Variants in MANBA observed in about 807,000 individuals in gnomAD.
MANBA encodes beta-mannosidase.
Under a neutral mutation model 111.1 loss-of-function variants are expected in MANBA, and 83 were observed. That is an observed-to-expected ratio of 0.75 (90% confidence interval 0.63 to 0.90). The LOEUF (loss-of-function observed/expected upper bound fraction) is 0.90. Among genes scored for constraint, MANBA ranks in the 40% least tolerant of loss-of-function variants. MANBA has a pLI of 0.00. For synonymous variants in MANBA, 370 were observed against 378.7 expected (o/e 0.98, Z 0.27); for missense variants, 1,036 against 1,069.0 (o/e 0.97, Z 0.43).
intron 12 of MANBA, among the ~76,000 whole-genome samples, chr4:102,657,168 A>G (rs751908411): frequency 1.3e-4 from 19 of 142,242 alleles, no homozygotes; most frequent in Non-Finnish European, 2.7e-4. Flanking sequence ...GAAAATCCAT[A>G]CAGAAAATAA....
chr4:102,741,705 T>C (rs1442006114), intron 1 of MANBA, among the ~76,000 whole-genome samples: 2 of 152,208 alleles, frequency 1.3e-5, no homozygotes, highest in Non-Finnish European at 2.9e-5. Context: ...TTCTCACTTA[T>C]AAGTGGGACC....
At chr4:102,755,763 C>T (rs1345213041) in intron 1 of MANBA, among the ~76,000 whole-genome samples, 1 of 152,036 alleles carries the variant, frequency 6.6e-6, no homozygotes, top group Non-Finnish European at 1.5e-5. Context: ...CAAAGAACTT[C>T]AACAAATTTA....
At chr4:102,641,293 A>T (rs969669262) in intron 13 of MANBA, among the ~76,000 whole-genome samples, 1 of 152,224 alleles carries the variant, frequency 6.6e-6, no homozygotes, top group Admixed American at 6.5e-5. Context: ...GCAATGGAAG[A>T]GAAGCTGGTG....
intron 10 of MANBA, chr4:102,667,746 A>C (rs1731291674): frequency 6.6e-6 from 1 of 152,244 alleles, no homozygotes; most frequent in African/African-American, 2.4e-5. Flanking sequence ...TATCAACATT[A>C]CAAAAAATCT....
chr4:102,635,946 C>CAGTAGGAGCA lies in MANBA; in HGVS notation c.2075_2076insTGCTCCTACT (p.Leu692PhefsTer9). 1 of 1,612,628 alleles carries CAGTAGGAGCA rather than the reference C, an allele frequency of 6.2e-7. No homozygotes were observed. Among genetic ancestry groups the CAGTAGGAGCA allele is most frequent in the Non-Finnish European group, 8.5e-7 (1 of 1,178,632 alleles). On this transcript the variant is annotated frameshift_variant, in exon 15 of 17. Transcript: ENST00000647097. LOFTEE classifies it high-confidence loss of function. Reference sequence around the variant, plus strand: ...TGTTTTCATTCTCAAAGCCTACTGGCAACAGTGGAGCAAAGAAATTCTGAG... The same window carrying CAGTAGGAGCA: ...TGTTTTCATTCTCAAAGCCTACTGGCAGTAGGAGCAAACAGTGGAGCAAAGAAATTCTGAG...
At chr4:102,745,312 G>A (rs1016416376) in intron 1 of MANBA, among the ~76,000 whole-genome samples, 1 of 152,180 alleles carries the variant, frequency 6.6e-6, no homozygotes, top group Non-Finnish European at 1.5e-5. Context: ...CTTTTCAAGG[G>A]GACCCAGCCT....
At chr4:102,688,736 A>G (rs1185706037) in intron 7 of MANBA, among the ~76,000 whole-genome samples, 1 of 152,228 alleles carries the variant, frequency 6.6e-6, no homozygotes, top group Non-Finnish European at 1.5e-5. Context: ...AATAAATAAC[A>G]AAGTGCAGTT....
At chr4:102,703,454 G>C (rs1022920184) in intron 5 of MANBA, among the ~76,000 whole-genome samples, 1 of 152,154 alleles carries the variant, frequency 6.6e-6, no homozygotes, top group African/African-American at 2.4e-5. Flanking sequence ...CTTGCCTGGG[G>C]ACGAGTCTGC....
At chr4:102,705,923 C>T (rs753438124) in intron 5 of MANBA, among the ~76,000 whole-genome samples, 1 of 152,226 alleles carries the variant, frequency 6.6e-6, no homozygotes, top group Non-Finnish European at 1.5e-5. Context: ...CATCTGCCTG[C>T]ATGTGCCACC....
At position 102,716,398 on chromosome 4, in the gene MANBA, C is replaced by T. The variant is rs369495657; in HGVS notation, c.550-1837G>A. On this transcript the variant is annotated intron_variant, in intron 4 of 16. Coordinates refer to ENST00000647097, the MANE Select transcript of MANBA (RefSeq NM_005908.4). The stretch of plus-strand genomic sequence containing the variant: ...TAGGTTTTAAAAAGCTCTGGCTAAA[C>T]TTGCCAACCTCAGGTATGAATTCAG... 4.1e-5 allele frequency among the ~76,000 whole-genome samples: 6 copies of T among 144,904 alleles called. No individual in the cohort carries two copies. The East Asian group carries it at 1.3e-3, about 32-fold the overall frequency.
intron 7 of MANBA, among the ~76,000 whole-genome samples, chr4:102,689,359 A>AAAAAATAT (rs1553948208): frequency 4.0e-5 from 4 of 100,410 alleles, no homozygotes; most frequent in African/African-American, 1.4e-4. Context: ...AAAAAAAAAA[A>AAAAAATAT]ATATATATAT....
rs1220235248 is a variant in MANBA, at chr4:102,690,473, A to T, written c.849+123T>A. On this transcript the variant is annotated intron_variant, in intron 6 of 16. Transcript: ENST00000647097. The stretch of plus-strand genomic sequence containing the variant: ...ATATGAGAGACTAAAATAGAGAAGA[A>T]AATGACAAATATAAGCAGAGAAAGT... The T allele has an allele frequency of 4.3e-6, 4 of 921,088 alleles. No homozygotes were observed. The Admixed American group carries it at 5.7e-5, about 13-fold the overall frequency. The allele number at this position is 921,088 out of a possible 1,614,324, so 57.1% of individuals were successfully genotyped here.
rs148150924 is a variant in MANBA at position 102,638,705 on chromosome 4, C to T, written c.2014+1008G>A. The stretch of plus-strand genomic sequence containing the variant: ...AAGGATTTTCCCCCCAATTCTACCC[C>T]TGATTCTCATTCAATGCTCTCTTAT... On this transcript the variant is annotated intron_variant, in intron 14 of 16. Transcript: ENST00000647097. Among the ~76,000 whole-genome samples, 334 of 152,290 alleles carry T rather than the reference C, an allele frequency of 2.2e-3. 13 individuals carry two copies. The East Asian group carries it at 0.041, about 19-fold the overall frequency.
chr4:102,696,990 A>T (rs1311402944), intron 5 of MANBA, among the ~76,000 whole-genome samples: 2 of 152,186 alleles, frequency 1.3e-5, no homozygotes, highest in African/African-American at 4.8e-5. Context: ...TAGTTAAAAC[A>T]GCTGTTTTCC....
chr4:102,737,312 T>C (rs1723250641), intron 1 of MANBA, among the ~76,000 whole-genome samples: 1 of 152,116 alleles, frequency 6.6e-6, no homozygotes, highest in African/African-American at 2.4e-5. Flanking sequence ...GAGAGCCATG[T>C]TTGCTTTCTC....
intron 7 of MANBA, among the ~76,000 whole-genome samples, chr4:102,684,805 C>T (rs944288038): frequency 1.3e-5 from 2 of 152,052 alleles, no homozygotes; most frequent in Admixed American, 6.6e-5. Context: ...CTCAACAAAG[C>T]GATGATTCAT....
At chr4:102,661,236 T>G (rs1484230745) in intron 11 of MANBA, among the ~76,000 whole-genome samples, 1 of 152,252 alleles carries the variant, frequency 6.6e-6, no homozygotes, top group African/African-American at 2.4e-5. Flanking sequence ...AACCTTTTAC[T>G]CGAAAGCCTT....
chr4:102,633,664 T>C (rs5026475), intron 16 of MANBA, among the ~76,000 whole-genome samples: 93,333 of 151,830 alleles, frequency 0.61, 29,275 homozygotes, highest in African/African-American at 0.73. Flanking sequence ...CCTGCTTTTC[T>C]CCCACCCCAA....
At chr4:102,754,910 T>C (rs111530952) in intron 1 of MANBA, among the ~76,000 whole-genome samples, 10 of 152,124 alleles carry the variant, frequency 6.6e-5, no homozygotes, top group Non-Finnish European at 1.3e-4. Context: ...TTAAAAAAAT[T>C]AGAATGGATG....
Sources: allele counts gnomAD v4.1 joint callset (sites outside exome capture counted in the v4.1 genomes callset), GRCh38; gene constraint gnomAD v4.1.1; transcripts MANE v1.5; gene names NCBI Gene and HGNC (gene_info 2026-07-23, HGNC 2026-07-21).